The following ST6GALNAC5 variants were observed in gnomAD, a reference collection of about 807,000 sequenced individuals.
The protein encoded by ST6GALNAC5 is alpha-N-acetylgalactosaminide alpha-2,6-sialyltransferase 5.
In ST6GALNAC5, 27 loss-of-function variants were observed where a neutral mutation model predicts 33.6. The ratio of observed to expected loss-of-function variants is 0.80; its 90% CI spans 0.59 to 1.11. ST6GALNAC5 has a LOEUF of 1.11. Ranked by LOEUF, ST6GALNAC5 falls within the 50% of genes least tolerant of loss-of-function variation. The pLI, the probability that ST6GALNAC5 is intolerant of heterozygous loss-of-function variation, is 0.00. For missense variants in ST6GALNAC5, 428 were observed against 454.0 expected, an observed-to-expected ratio of 0.94 and a Z score of 0.52; for synonymous variants, 194 against 171.2, an observed-to-expected ratio of 1.13 and a Z score of -1.04.
At position 77,009,692 on chromosome 1, in the gene ST6GALNAC5, G is replaced by A. The variant is rs57008506; in HGVS notation, c.262-34512G>A. The stretch of plus-strand genomic sequence containing the variant: ...TCTGGGGCTGTATTTCTCTCCTTGC[G>A]CTTTGTCTCACCTCCTACCTTGTTA... On this transcript the variant is annotated intron_variant, in intron 2 of 4. Coordinates refer to ENST00000477717, the MANE Select transcript of ST6GALNAC5 (RefSeq NM_030965.3). Among the ~76,000 whole-genome samples the A allele has an allele frequency of 0.012, 1,878 of 152,080 alleles. 100 individuals are homozygous for A. In the East Asian group the frequency reaches 0.17, roughly 13 times the overall value.
rs781237013 is a variant in ST6GALNAC5, at chr1:76,867,696, T to G, written c.15+6T>G. 6.2e-7 allele frequency: 1 copy of G among 1,613,778 alleles called. No homozygotes were observed. Among genetic ancestry groups the G allele is most frequent in the Admixed American group, 1.7e-5 (1 of 59,990 alleles). On this transcript the variant is annotated splice_donor_region_variant and intron_variant, in intron 1 of 4. Coordinates refer to ENST00000477717, the MANE Select transcript of ST6GALNAC5 (RefSeq NM_030965.3). ...CCAAAATGAAGACCCTGATGGTGAG[T>G]CAGTTGTGGCAACTCCACCGGGCAA... is the stretch of plus-strand genomic sequence containing the variant.
chr1:76,979,724 C>T (rs1029020498), intron 2 of ST6GALNAC5, among the ~76,000 whole-genome samples: 8 of 152,224 alleles, frequency 5.3e-5, no homozygotes, highest in South Asian at 2.1e-4. Context: ...ATCAAGAATT[C>T]GAGACCAGCC....
intron 2 of ST6GALNAC5, among the ~76,000 whole-genome samples, chr1:76,949,469 T>C (rs1432273166): frequency 2.0e-5 from 3 of 152,148 alleles, no homozygotes; most frequent in African/African-American, 7.2e-5. Flanking sequence ...TTGCCCTTTT[T>C]AGACCCAGCT....
chr1:77,008,156 T>C (rs1650498295), intron 2 of ST6GALNAC5, among the ~76,000 whole-genome samples: 1 of 152,222 alleles, frequency 6.6e-6, no homozygotes, highest in African/African-American at 2.4e-5. Context: ...AATGTCCAGC[T>C]GGTGCTCAGA....
intron 2 of ST6GALNAC5, among the ~76,000 whole-genome samples, chr1:76,904,522 T>C (rs1646846698): frequency 6.6e-6 from 1 of 152,160 alleles, no homozygotes; most frequent in Non-Finnish European, 1.5e-5. Context: ...ATAAACCTAA[T>C]ATTGAATGAA....
intron 2 of ST6GALNAC5, among the ~76,000 whole-genome samples, chr1:77,027,971 A>T (rs151337198): frequency 6.6e-6 from 1 of 152,148 alleles, no homozygotes; most frequent in Non-Finnish European, 1.5e-5. Context: ...TATTTTTGAG[A>T]TAAACATCAC....
chr1:76,993,190 C>G (rs188874586), intron 2 of ST6GALNAC5, among the ~76,000 whole-genome samples: 2 of 152,314 alleles, frequency 1.3e-5, no homozygotes, highest in African/African-American at 2.4e-5. Flanking sequence ...TGCGAACTCT[C>G]TAGCATTAGC....
chr1:76,974,313 CT>C (rs11326837), intron 2 of ST6GALNAC5, among the ~76,000 whole-genome samples: 58,256 of 150,476 alleles, frequency 0.39, 13,244 homozygotes, highest in East Asian at 0.64. Flanking sequence ...CAAAGTGATC[CT>C]CCTACCTTTG....
At chr1:77,058,360 G>A (rs1374586756) in intron 4 of ST6GALNAC5, among the ~76,000 whole-genome samples, 1 of 152,228 alleles carries the variant, frequency 6.6e-6, no homozygotes, top group Admixed American at 6.5e-5. Context: ...CCTAGTGGCA[G>A]GTGTTTGGGT....
intron 2 of ST6GALNAC5, among the ~76,000 whole-genome samples, chr1:76,902,931 T>G (rs1646832198): frequency 6.6e-6 from 1 of 152,142 alleles, no homozygotes; most frequent in Admixed American, 6.5e-5. Context: ...CATATAAATC[T>G]ATTAAACTCC....
chr1:77,005,515 C>T (rs1046300767), intron 2 of ST6GALNAC5, among the ~76,000 whole-genome samples: 3 of 152,224 alleles, frequency 2.0e-5, no homozygotes, highest in African/African-American at 7.2e-5. Flanking sequence ...GGCTCCTCCT[C>T]TCAGGTTTGG....
At chr1:76,949,595 C>T (rs993402515) in intron 2 of ST6GALNAC5, among the ~76,000 whole-genome samples, 2 of 152,076 alleles carry the variant, frequency 1.3e-5, no homozygotes, top group Admixed American at 6.6e-5. Context: ...TCAGCTGTGA[C>T]ACCCTGTTAT....
chr1:76,889,057 T>C (rs1557710661), intron 2 of ST6GALNAC5, among the ~76,000 whole-genome samples: 2 of 152,120 alleles, frequency 1.3e-5, no homozygotes, highest in Non-Finnish European at 2.9e-5. Flanking sequence ...GACCAACATC[T>C]TCCCAGTCAC....
At chr1:76,917,651 T>C (rs896211834) in intron 2 of ST6GALNAC5, among the ~76,000 whole-genome samples, 4 of 151,172 alleles carry the variant, frequency 2.6e-5, no homozygotes, top group African/African-American at 4.8e-5. Flanking sequence ...AATAAATATA[T>C]AAAAATATAT....
chr1:76,993,987 G>A (rs1164174534), intron 2 of ST6GALNAC5, among the ~76,000 whole-genome samples: 1 of 152,108 alleles, frequency 6.6e-6, no homozygotes, highest in African/African-American at 2.4e-5. Context: ...ATTTCTTTGT[G>A]ATTAAACAAA....
intron 2 of ST6GALNAC5, among the ~76,000 whole-genome samples, chr1:77,027,106 G>C (rs1651271454): frequency 6.6e-6 from 1 of 152,232 alleles, no homozygotes; most frequent in Non-Finnish European, 1.5e-5. Flanking sequence ...CAAGCAGCAG[G>C]TGCCAGTGCC....
chr1:76,903,565 C>CA (rs1229769295), intron 2 of ST6GALNAC5, among the ~76,000 whole-genome samples: 3 of 152,088 alleles, frequency 2.0e-5, no homozygotes, highest in South Asian at 4.1e-4. Context: ...TATCTAGCTA[C>CA]AAAAAACTTG....
chr1:77,046,831 C>G (rs964963928), intron 3 of ST6GALNAC5, among the ~76,000 whole-genome samples: 1 of 152,136 alleles, frequency 6.6e-6, no homozygotes, highest in Non-Finnish European at 1.5e-5. Context: ...TAAAACACTG[C>G]CGCAATGTTA....
intron 4 of ST6GALNAC5, among the ~76,000 whole-genome samples, chr1:77,051,704 C>G (rs901211755): frequency 2.3e-4 from 35 of 152,176 alleles, no homozygotes; most frequent in African/African-American, 7.0e-4. Context: ...CCCTGTGTCC[C>G]TGTTTAACAA....
Sources: allele counts gnomAD v4.1 joint callset (sites outside exome capture counted in the v4.1 genomes callset), GRCh38; gene constraint gnomAD v4.1.1; transcripts MANE v1.5; gene names NCBI Gene and HGNC (gene_info 2026-07-23, HGNC 2026-07-21).